ARHGAP32: variants seen among roughly 807,000 people sequenced by gnomAD.
ARHGAP32 encodes the protein Rho GTPase activating protein 32.
Under a neutral mutation model 186.5 loss-of-function variants are expected in ARHGAP32, and 51 were observed. That is an observed-to-expected ratio of 0.27 (90% CI 0.22 to 0.35). ARHGAP32 has a LOEUF of 0.35. Among genes scored for constraint, ARHGAP32 ranks in the 10% least tolerant of loss-of-function variants. The pLI, the probability that ARHGAP32 is intolerant of heterozygous loss-of-function variation, is 1.00. For missense variants in ARHGAP32, 2,186 were observed against 2,623.5 expected, an observed-to-expected ratio of 0.83 and a Z score of 3.64; for synonymous variants, 950 against 964.3, an observed-to-expected ratio of 0.99 and a Z score of 0.27.
intron 2 of ARHGAP32, among the ~76,000 whole-genome samples, chr11:129,143,053 C>A: frequency 2.9e-5 from 2 of 68,602 alleles, no homozygotes; most frequent in Non-Finnish European, 6.9e-5. Context: ...TAGCAGCTGT[C>A]TATATGCTGG....
chr11:129,069,455 A>T lies in ARHGAP32; in HGVS notation c.532-2587T>A, dbSNP rs143489565. On this transcript the variant is annotated intron_variant, in intron 6 of 22. Transcript: ENST00000682385. ...AAACAAGGTTTCCAAACAAATTCTCAGGATATTTAGCAGAACAAGCAACCA... is the reference window on the plus strand; with the variant it reads ...AAACAAGGTTTCCAAACAAATTCTCTGGATATTTAGCAGAACAAGCAACCA... Among the ~76,000 whole-genome samples, 69 of 152,202 alleles carry T rather than the reference A, an allele frequency of 4.5e-4. 2 individuals are homozygous for T. In the East Asian group the frequency reaches 0.012, roughly 27 times the overall value.
intron 1 of ARHGAP32, among the ~76,000 whole-genome samples, chr11:129,266,149 A>G (rs995522649): frequency 1.3e-5 from 2 of 152,164 alleles, no homozygotes; most frequent in Non-Finnish European, 1.5e-5. Flanking sequence ...ACGGAACACA[A>G]TTTGGGTTAG....
intron 1 of ARHGAP32, among the ~76,000 whole-genome samples, chr11:129,238,324 G>A (rs1944964300): frequency 6.6e-6 from 1 of 152,064 alleles, no homozygotes; most frequent in African/African-American, 2.4e-5. Context: ...TGGTGCTTAT[G>A]CCTTTCTGTG....
At chr11:129,115,517 T>G (rs1365095619) in intron 5 of ARHGAP32, among the ~76,000 whole-genome samples, 1 of 152,080 alleles carries the variant, frequency 6.6e-6, no homozygotes, top group East Asian at 1.9e-4. Context: ...AGAATCACCA[T>G]CAGTTCACTG....
chr11:129,193,576 A>AATATAT (rs1944321903), upstream of ARHGAP32, among the ~76,000 whole-genome samples: 1 of 1,918 alleles, frequency 5.2e-4, no homozygotes, highest in Non-Finnish European at 1.2e-3. Context: ...TATAATATAT[A>AATATAT]TATATTATAT....
At chr11:128,986,458 T>C (rs1945875112) in intron 14 of ARHGAP32, 66 bp downstream of exon 14, 3 of 1,553,178 alleles carry the variant, frequency 1.9e-6, no homozygotes, top group Non-Finnish European at 2.7e-6. Context: ...CCAAAGTTCA[T>C]GTGTTTTGAA....
At chr11:129,181,960 T>C (rs976398121) in intron 1 of ARHGAP32, among the ~76,000 whole-genome samples, 1 of 152,170 alleles carries the variant, frequency 6.6e-6, no homozygotes, top group Admixed American at 6.6e-5. Flanking sequence ...AAATTATTCA[T>C]ATGTATGAAA....
chr11:128,981,097 T>C (rs1426067003), intron 17 of ARHGAP32, among the ~76,000 whole-genome samples: 1 of 152,202 alleles, frequency 6.6e-6, no homozygotes, highest in Non-Finnish European at 1.5e-5. Context: ...TGAGGAAAGG[T>C]GATCAATCAC....
chr11:129,032,082 C>T (rs1328995882), intron 11 of ARHGAP32, among the ~76,000 whole-genome samples: 3 of 152,170 alleles, frequency 2.0e-5, no homozygotes, highest in South Asian at 2.1e-4. Flanking sequence ...AATTCATTTG[C>T]GCATCCTGAT....
At chr11:129,003,784 CT>C (rs1937628955) in intron 11 of ARHGAP32, among the ~76,000 whole-genome samples, 1 of 151,452 alleles carries the variant, frequency 6.6e-6, no homozygotes, top group Non-Finnish European at 1.5e-5. Flanking sequence ...TTTCCTTAGT[CT>C]GGCTAAAGGT....
chr11:129,041,378 G>A (rs1939585715), intron 10 of ARHGAP32, among the ~76,000 whole-genome samples: 1 of 151,340 alleles, frequency 6.6e-6, no homozygotes, highest in South Asian at 2.1e-4. Context: ...CAGTTATGTT[G>A]ATACCTCTGT....
intron 2 of ARHGAP32, among the ~76,000 whole-genome samples, chr11:129,130,778 T>C (rs2135402495): frequency 6.6e-6 from 1 of 152,286 alleles, no homozygotes; most frequent in East Asian, 1.9e-4. Flanking sequence ...GGAAATTGTA[T>C]GATAATTAAT....
intron 11 of ARHGAP32, among the ~76,000 whole-genome samples, chr11:129,007,053 T>C (rs1937814064): frequency 1.3e-5 from 2 of 152,152 alleles, no homozygotes; most frequent in South Asian, 4.2e-4. Flanking sequence ...CCATTGATGT[T>C]CACTTAAGGC....
intron 2 of ARHGAP32, chr11:129,125,845 A>T (rs1193123065): frequency 2.3e-6 from 1 of 426,194 alleles, no homozygotes; most frequent in Non-Finnish European, 4.6e-6. Flanking sequence ...TTGGTATTTC[A>T]TGATCAAGAC....
At chr11:129,237,939 A>G (rs1177706913) in intron 1 of ARHGAP32, among the ~76,000 whole-genome samples, 3 of 152,132 alleles carry the variant, frequency 2.0e-5, no homozygotes, top group Non-Finnish European at 4.4e-5. Context: ...AGTGATTTAG[A>G]CTAGGGTGGT....
chr11:129,208,863 T>C (rs1565469191), intron 1 of ARHGAP32, among the ~76,000 whole-genome samples: 1 of 152,108 alleles, frequency 6.6e-6, no homozygotes, highest in Non-Finnish European at 1.5e-5. Flanking sequence ...CCATCTAAAA[T>C]AGAAACTTTA....
chr11:129,038,493 T>C (rs1329198107), intron 11 of ARHGAP32, among the ~76,000 whole-genome samples: 2 of 151,982 alleles, frequency 1.3e-5, no homozygotes, highest in Non-Finnish European at 2.9e-5. Flanking sequence ...CAATGGATAC[T>C]ACCAAAGAAA....
chr11:129,014,211 T>C (rs1938222797), intron 11 of ARHGAP32, among the ~76,000 whole-genome samples: 1 of 152,160 alleles, frequency 6.6e-6, no homozygotes, highest in Admixed American at 6.5e-5. Context: ...AGGCCAGTCT[T>C]TCCAGTAGTT....
At chr11:129,237,439 T>C (rs1944951330) in intron 1 of ARHGAP32, among the ~76,000 whole-genome samples, 1 of 152,194 alleles carries the variant, frequency 6.6e-6, no homozygotes. Context: ...TAGTGGGGAT[T>C]ACAAATGTTT....
Sources: allele counts gnomAD v4.1 joint callset (sites outside exome capture counted in the v4.1 genomes callset), GRCh38; gene constraint gnomAD v4.1.1; transcripts MANE v1.5; gene names NCBI Gene and HGNC (gene_info 2026-07-23, HGNC 2026-07-21).